FRAS1: variants seen among roughly 807,000 people sequenced by gnomAD.
The protein encoded by FRAS1 is extracellular matrix organizing protein FRAS1.
Under a neutral mutation model 435.2 loss-of-function variants are expected in FRAS1, and 290 were observed. The ratio of observed to expected loss-of-function variants is 0.67; its 90% CI spans 0.61 to 0.73. The LOEUF (loss-of-function observed/expected upper bound fraction) is 0.73. Among genes scored for constraint, FRAS1 ranks in the 30% least tolerant of loss-of-function variants. The pLI, the probability that FRAS1 is intolerant of heterozygous loss-of-function variation, is 0.00. For missense variants in FRAS1, 4,860 were observed against 5,001.5 expected, an observed-to-expected ratio of 0.97 and a Z score of 0.85; for synonymous variants, 1,800 against 1,851.0, an observed-to-expected ratio of 0.97 and a Z score of 0.71.
intron 25 of FRAS1, 143 bp from the exon 26 acceptor site, chr4:78,375,596 A>G (rs1731726932): frequency 1.5e-6 from 1 of 651,734 alleles, no homozygotes; most frequent in Admixed American, 3.4e-5. Context: ...TATATTCTGT[A>G]GGGAAACTGT....
chr4:78,249,074 T>C (rs1578206043), intron 4 of FRAS1, among the ~76,000 whole-genome samples: 1 of 94,748 alleles, frequency 1.1e-5, no homozygotes, highest in Admixed American at 1.1e-4. Flanking sequence ...CATATATATA[T>C]ATATATATAT....
At chr4:78,525,989 T>C (rs745404981) in intron 69 of FRAS1, among the ~76,000 whole-genome samples, 27 of 152,138 alleles carry the variant, frequency 1.8e-4, no homozygotes, top group Non-Finnish European at 3.4e-4. Context: ...CAAAATTGAG[T>C]GTGAGTGAAA....
chr4:78,467,370 C>A (rs6824366), intron 50 of FRAS1, among the ~76,000 whole-genome samples: 49,639 of 151,748 alleles, frequency 0.33, 8,821 homozygotes, highest in Admixed American at 0.41. Context: ...AATGGCCTCC[C>A]GTTCTATACA....
At chr4:78,199,796 A>G (rs1385495837) in intron 2 of FRAS1, among the ~76,000 whole-genome samples, 3 of 152,238 alleles carry the variant, frequency 2.0e-5, no homozygotes, top group Admixed American at 1.3e-4. Flanking sequence ...CCCATGAGGT[A>G]ACAAACATGG....
chr4:78,091,532 A>G (rs1005730666), intron 2 of FRAS1, among the ~76,000 whole-genome samples: 1 of 151,900 alleles, frequency 6.6e-6, no homozygotes, highest in Non-Finnish European at 1.5e-5. Flanking sequence ...AGGAATTCTG[A>G]GCTTCTTCAC....
intron 2 of FRAS1, chr4:78,181,319 G>A (rs1252857186): frequency 1.3e-5 from 21 of 1,608,758 alleles, no homozygotes; most frequent in Middle Eastern, 2.2e-4. Flanking sequence ...ACCTTCAGGT[G>A]TTTCGTCAGT....
At chr4:78,325,495 A>G (rs1729682888) in intron 18 of FRAS1, among the ~76,000 whole-genome samples, 2 of 152,250 alleles carry the variant, frequency 1.3e-5, no homozygotes, top group East Asian at 3.8e-4. Context: ...TGGATTAAGC[A>G]TATGGAATCT....
chr4:78,182,649 A>C (rs1034812392), intron 2 of FRAS1, among the ~76,000 whole-genome samples: 2 of 152,098 alleles, frequency 1.3e-5, no homozygotes, highest in African/African-American at 4.8e-5. Flanking sequence ...AGGCCGAGGC[A>C]GGCGGATCAT....
intron 64 of FRAS1, 77 bp from the exon 65 acceptor site, chr4:78,513,315 G>A: frequency 1.4e-6 from 2 of 1,421,008 alleles, no homozygotes; most frequent in Non-Finnish European, 2.0e-6. Context: ...GACAAATTAG[G>A]TGATGAGAAA....
intron 20 of FRAS1, among the ~76,000 whole-genome samples, chr4:78,347,558 C>T (rs61416339): frequency 7.4e-4 from 112 of 152,304 alleles, no homozygotes; most frequent in African/African-American, 2.6e-3. Flanking sequence ...CATGCTGGTT[C>T]TCTTCCCCAC....
chr4:78,213,888 G>T (rs1199647145), intron 2 of FRAS1, among the ~76,000 whole-genome samples: 1 of 152,142 alleles, frequency 6.6e-6, no homozygotes, highest in Admixed American at 6.5e-5. Flanking sequence ...CTACAAGTAG[G>T]GTGCTTTTTC....
At position 78,516,985 on chromosome 4, in the gene FRAS1, G is replaced by A. The variant is rs528954134; in HGVS notation, c.10389+972G>A. On this transcript the variant is annotated intron_variant, in intron 66 of 73. Transcript: ENST00000512123. ...GTCAGAGAAGGGCGGTTATATCAAA[G>A]GGCCAGTGAGACTAGGCTAATCTGT... Among the ~76,000 whole-genome samples the A allele has an allele frequency of 1.1e-4, 17 of 152,304 alleles. No homozygotes were observed. In the East Asian group the frequency reaches 3.3e-3, roughly 29 times the overall value.
At chr4:78,114,715 A>C (rs182283341) in intron 2 of FRAS1, among the ~76,000 whole-genome samples, 1 of 152,338 alleles carries the variant, frequency 6.6e-6, no homozygotes, top group Admixed American at 6.5e-5. Context: ...CTGTCAGCTT[A>C]AGGAGATTTT....
chr4:78,165,719 G>T (rs946447697), intron 2 of FRAS1, among the ~76,000 whole-genome samples: 8 of 152,160 alleles, frequency 5.3e-5, no homozygotes, highest in Non-Finnish European at 1.0e-4. Context: ...CTAGGGGTTG[G>T]CTCCTGTGGA....
intron 14 of FRAS1, among the ~76,000 whole-genome samples, chr4:78,300,727 G>A (rs961205984): frequency 6.6e-6 from 1 of 152,028 alleles, no homozygotes; most frequent in Non-Finnish European, 1.5e-5. Flanking sequence ...GGTCAAATTT[G>A]ACCAGGCCTC....
chr4:78,224,673 C>T (rs550544794), intron 2 of FRAS1, among the ~76,000 whole-genome samples: 135 of 152,152 alleles, frequency 8.9e-4, no homozygotes, highest in African/African-American at 3.1e-3. Flanking sequence ...GCTGGGTCCA[C>T]AGGTGCGCAC....
At chr4:78,347,398 G>A (rs1272579400) in intron 20 of FRAS1, among the ~76,000 whole-genome samples, 1 of 152,170 alleles carries the variant, frequency 6.6e-6, no homozygotes, top group Non-Finnish European at 1.5e-5. Flanking sequence ...AACTTTTCTT[G>A]AATATCAACT....
Position 78,522,828 on chromosome 4 carries a change from C to A in FRAS1, c.10808+20C>A, listed in dbSNP as rs199786207. On this transcript the variant is annotated intron_variant, in intron 69 of 73. Transcript: ENST00000512123. Reference sequence around the variant, plus strand: ...TAACAGGTAAATACAGTGATGGAGGCCTCCATGGGTAGAGCTGAATGGTTT... The same window carrying A: ...TAACAGGTAAATACAGTGATGGAGGACTCCATGGGTAGAGCTGAATGGTTT... 1 of 1,580,282 alleles carries A rather than the reference C, an allele frequency of 6.3e-7. No homozygotes were observed. Among genetic ancestry groups the A allele is most frequent in the Non-Finnish European group, 8.6e-7 (1 of 1,165,140 alleles).
intron 14 of FRAS1, among the ~76,000 whole-genome samples, chr4:78,291,970 A>G (rs150119981): frequency 1.3e-5 from 2 of 152,246 alleles, no homozygotes; most frequent in East Asian, 1.9e-4. Context: ...CTGAACTTCA[A>G]TTTTTTCAAC....
Sources: gnomAD v4.1 joint callset for allele counts (sites outside exome capture counted in the v4.1 genomes callset) on GRCh38, gnomAD v4.1.1 for gene constraint, MANE v1.5 for transcripts, NCBI Gene and HGNC (gene_info 2026-07-23, HGNC 2026-07-21) for gene names.